ARID1B: variants seen among roughly 807,000 people sequenced by gnomAD.
The protein encoded by ARID1B is AT-rich interaction domain 1B.
Under a neutral mutation model 212.3 loss-of-function variants are expected in ARID1B, and 30 were observed. The ratio of observed to expected loss-of-function variants is 0.14; its 90% CI spans 0.11 to 0.19. The LOEUF is 0.19. Ranked by LOEUF, ARID1B falls within the 10% of genes least tolerant of loss-of-function variation. ARID1B has a pLI of 1.00. For synonymous variants in ARID1B, 1,402 were observed against 1,301.7 expected (o/e 1.08, Z -1.66); for missense variants, 2,891 against 3,204.0 (o/e 0.90, Z 2.36).
rs6906191 is a variant in ARID1B, at chr6:156,931,632, A to C, written c.2137-3834A>C. On this transcript the variant is annotated intron_variant, in intron 3 of 19. Transcript: ENST00000636930. The stretch of plus-strand genomic sequence containing the variant: ...CCAGTAGCTGGAGACCAGCCTGGGA[A>C]GTATAGTGATACCCCATCTCTCAAA... Among the ~76,000 whole-genome samples the C allele has an allele frequency of 8.6e-3, 1,315 of 152,242 alleles. 20 individuals are homozygous for C. The highest frequency in any genetic ancestry group is 0.03 in the African/African-American group (1,258 of 41,530).
At chr6:157,170,422 G>A (rs1264235909) in intron 9 of ARID1B, among the ~76,000 whole-genome samples, 3 of 152,144 alleles carry the variant, frequency 2.0e-5, no homozygotes, top group African/African-American at 4.8e-5. Context: ...CTGGTTGTCC[G>A]GGTTGTTTGT....
intron 4 of ARID1B, among the ~76,000 whole-genome samples, chr6:156,990,410 A>G (rs767145965): frequency 6.6e-6 from 1 of 152,088 alleles, no homozygotes; most frequent in Non-Finnish European, 1.5e-5. Context: ...TGGGAGGCCA[A>G]GGCAGGCGGA....
intron 4 of ARID1B, among the ~76,000 whole-genome samples, chr6:157,005,641 T>G (rs969357829): frequency 6.6e-6 from 1 of 152,194 alleles, no homozygotes; most frequent in African/African-American, 2.4e-5. Context: ...TCATGAACTT[T>G]GAAAGGAGCA....
At chr6:156,848,222 G>A (rs1784352505) in intron 2 of ARID1B, among the ~76,000 whole-genome samples, 1 of 152,218 alleles carries the variant, frequency 6.6e-6, no homozygotes. Flanking sequence ...CAGTTGTACT[G>A]TTGCTGTATT....
intron 7 of ARID1B, among the ~76,000 whole-genome samples, chr6:157,145,266 C>T (rs145749669): frequency 2.6e-5 from 4 of 152,286 alleles, no homozygotes; most frequent in Non-Finnish European, 2.9e-5. Flanking sequence ...GATTGTGGCC[C>T]GCTCTGGCCC....
At chr6:156,966,477 T>C (rs1314478823) in intron 4 of ARID1B, among the ~76,000 whole-genome samples, 1 of 141,144 alleles carries the variant, frequency 7.1e-6, no homozygotes, top group East Asian at 2.3e-4. Flanking sequence ...CACTGCAACC[T>C]CCGCCTCCCG....
chr6:156,935,511 G>A lies in ARID1B; in HGVS notation c.2182G>A (p.Ala728Thr), dbSNP rs1429528090. 1 of 1,613,854 alleles carries A rather than the reference G, an allele frequency of 6.2e-7. No individual in the cohort carries two copies. Among genetic ancestry groups the A allele is most frequent in the Non-Finnish European group, 8.5e-7 (1 of 1,179,908 alleles). ...TGGAACTAGATCTCAACCTCCTCTGGCCCCCGGAAAACCTAACCATGAAGA... is the reference window on the plus strand; with the variant it reads ...TGGAACTAGATCTCAACCTCCTCTGACCCCCGGAAAACCTAACCATGAAGA... ...GYGTRSQPPL[A>T]PGKPNHEDLN... Residue 728 changes from alanine to threonine, a missense_variant, in exon 4 of 20, where the codon GCC becomes ACC. Physicochemically the swap from Ala to Thr is moderately conservative, Grantham distance 58. Coordinates refer to ENST00000636930, the MANE Select transcript of ARID1B (RefSeq NM_001374828.1).
intron 8 of ARID1B, chr6:157,151,256 A>G (rs1235135678): frequency 6.6e-6 from 1 of 152,120 alleles, no homozygotes. Flanking sequence ...CGCTGTTCTC[A>G]TGACTATATT....
At chr6:157,076,950 A>G (rs1329368477) in intron 4 of ARID1B, among the ~76,000 whole-genome samples, 1 of 152,224 alleles carries the variant, frequency 6.6e-6, no homozygotes, top group Non-Finnish European at 1.5e-5. Context: ...ATATAGAATT[A>G]AGAGACTATA....
intron 2 of ARID1B, among the ~76,000 whole-genome samples, chr6:156,868,701 G>A (rs1437506460): frequency 6.6e-6 from 1 of 152,198 alleles, no homozygotes; most frequent in Admixed American, 6.5e-5. Flanking sequence ...CACCTGGAGG[G>A]TTTAGATTTC....
intron 1 of ARID1B, among the ~76,000 whole-genome samples, chr6:156,803,958 A>C (rs2127952856): frequency 6.6e-6 from 1 of 152,328 alleles, no homozygotes; most frequent in Middle Eastern, 3.4e-3. Context: ...CCAATGTGAA[A>C]TAAGTGTTCA....
At chr6:157,185,385 A>ACC (rs1280131200) in intron 13 of ARID1B, 2 of 152,222 alleles carry the variant, frequency 1.3e-5, no homozygotes, top group African/African-American at 4.8e-5. Flanking sequence ...ATGTGGCTGC[A>ACC]CCCACCGCTC....
intron 2 of ARID1B, among the ~76,000 whole-genome samples, chr6:156,837,261 C>G (rs1461343809): frequency 6.6e-6 from 1 of 152,136 alleles, no homozygotes; most frequent in East Asian, 1.9e-4. Context: ...AGTAGAAAAT[C>G]TTAAGGTTGA....
chr6:156,802,480 T>C (rs1780857620), intron 1 of ARID1B, among the ~76,000 whole-genome samples: 3 of 152,238 alleles, frequency 2.0e-5, no homozygotes, highest in Admixed American at 1.3e-4. Context: ...TTAAATCATA[T>C]ACTTTTTAGT....
chr6:157,119,175 C>A (rs1481876019), intron 6 of ARID1B, among the ~76,000 whole-genome samples: 1 of 152,174 alleles, frequency 6.6e-6, no homozygotes, highest in African/African-American at 2.4e-5. Context: ...TAGAGGTTCC[C>A]ACACACCCCT....
Position 157,208,900 on chromosome 6 carries a change from C to A in ARID1B, c.*1009C>A, listed in dbSNP as rs1583521173. The A allele has an allele frequency of 8.9e-6, 2 of 224,852 alleles. No homozygotes were observed. The highest frequency in any genetic ancestry group is 1.7e-5 in the Non-Finnish European group (2 of 114,456). 13.9% of individuals were successfully genotyped at this position (224,852 alleles called of 1,614,324 possible). A position where few individuals can be genotyped will look rare whatever the true frequency, so the allele number is the denominator to read the frequency against. ...AACAAAAAAAAAAGAGGGTAATGTA[C>A]AAGTTTCTGTATGTATAAAGTCATG... On this transcript the variant is annotated 3_prime_UTR_variant, in exon 20 of 20. Coordinates refer to ENST00000636930, the MANE Select transcript of ARID1B (RefSeq NM_001374828.1).
At chr6:157,031,635 A>G (rs1003543306) in intron 4 of ARID1B, among the ~76,000 whole-genome samples, 6 of 152,306 alleles carry the variant, frequency 3.9e-5, no homozygotes, top group African/African-American at 9.6e-5. Flanking sequence ...TATGATATCT[A>G]TAATCACTGG....
intron 1 of ARID1B, among the ~76,000 whole-genome samples, chr6:156,819,401 C>G (rs565426943): frequency 1.3e-5 from 2 of 152,210 alleles, no homozygotes; most frequent in South Asian, 2.1e-4. Context: ...CTAACTTACT[C>G]TCAAAATAAA....
chr6:156,913,164 GT>G (rs1790041486), intron 3 of ARID1B, among the ~76,000 whole-genome samples: 3 of 148,502 alleles, frequency 2.0e-5, no homozygotes, highest in African/African-American at 7.4e-5. Flanking sequence ...ACCTCACATA[GT>G]TACCATTTTC....
Sources: gnomAD v4.1 joint callset for allele counts (sites outside exome capture counted in the v4.1 genomes callset) on GRCh38, gnomAD v4.1.1 for gene constraint, MANE v1.5 for transcripts, NCBI Gene and HGNC (gene_info 2026-07-23, HGNC 2026-07-21) for gene names.